The following AK9 variants were observed in gnomAD, a reference collection of about 807,000 sequenced individuals.
AK9 encodes the protein adenylate kinase 9.
A neutral mutation model predicts 239.6 loss-of-function variants in AK9; 191 were observed. That is an observed-to-expected ratio of 0.80 (90% CI 0.71 to 0.90). The LOEUF (loss-of-function observed/expected upper bound fraction) is 0.90, where lower values mean the gene tolerates loss of function less well. AK9 is among the 40% of genes least tolerant of loss of function. The probability of loss-of-function intolerance (pLI) is 0.00; values close to 1 mark genes in which losing one functional copy is unlikely to be tolerated. For missense variants in AK9, 1,995 were observed against 2,214.7 expected (o/e 0.90, Z 1.99); for synonymous variants, 689 against 721.0 (o/e 0.96, Z 0.71).
chr6:109,558,725 A>G (rs1003569936), intron 24 of AK9, among the ~76,000 whole-genome samples: 1 of 152,178 alleles, frequency 6.6e-6, no homozygotes, highest in Non-Finnish European at 1.5e-5. Context: ...GGATTTTCAA[A>G]TGAATGTTAG....
intron 12 of AK9, among the ~76,000 whole-genome samples, chr6:109,627,938 C>CCGG (rs1282294984): frequency 3.3e-5 from 5 of 152,308 alleles, no homozygotes; most frequent in African/African-American, 1.2e-4. Flanking sequence ...GCCACTGCAA[C>CCGG]CGGCCTGAAC....
chr6:109,602,179 T>C (rs1379058166), intron 17 of AK9, among the ~76,000 whole-genome samples: 1 of 152,250 alleles, frequency 6.6e-6, no homozygotes, highest in African/African-American at 2.4e-5. Context: ...CAGTGGTCTT[T>C]ACAATTTGGC....
intron 5 of AK9, among the ~76,000 whole-genome samples, chr6:109,665,182 C>A (rs550483955): frequency 6.6e-6 from 1 of 152,330 alleles, no homozygotes; most frequent in East Asian, 1.9e-4. Flanking sequence ...TCCAGAGAAG[C>A]AATCCTACCT....
rs182213078 is a variant in AK9 at position 109,560,194 on chromosome 6, A to C, written c.2751+3403T>G. 1.3e-3 allele frequency among the ~76,000 whole-genome samples: 200 copies of C among 152,342 alleles called. 1 individual carries two copies. Among genetic ancestry groups the C allele is most frequent in the African/African-American group, 4.7e-3 (196 of 41,572 alleles). On this transcript the variant is annotated intron_variant, in intron 24 of 40. Transcript: ENST00000424296. The stretch of plus-strand genomic sequence containing the variant: ...TCTTTGGCGTGCCATTATTCAGCCT[A>C]TCACAATAGAAAATCTTATCTCCTA...
chr6:109,600,725 G>A lies in AK9; in HGVS notation c.1842+9640C>T, dbSNP rs537209658. Among the ~76,000 whole-genome samples the A allele has an allele frequency of 2.1e-3, 315 of 152,186 alleles. 2 individuals are homozygous for A. The South Asian group carries it at 0.022, about 11-fold the overall frequency. On this transcript the variant is annotated intron_variant, in intron 17 of 40. Coordinates refer to ENST00000424296, the MANE Select transcript of AK9 (RefSeq NM_001145128.3). Reference sequence around the variant, plus strand: ...TCTGGTCCTGGACTTTTTTTAGTTGGTAAGCTATTAATTATTGCCTCAATT... The same window carrying A: ...TCTGGTCCTGGACTTTTTTTAGTTGATAAGCTATTAATTATTGCCTCAATT...
intron 17 of AK9, among the ~76,000 whole-genome samples, chr6:109,591,718 G>A (rs528271466): frequency 3.9e-4 from 59 of 152,212 alleles, no homozygotes; most frequent in African/African-American, 1.4e-3. Context: ...TTGAGCATTT[G>A]TTGTAGGTAC....
In AK9 at chr6:109,558,962, G is replaced by A. The variant is rs536057160; in HGVS notation, c.2751+4635C>T. On this transcript the variant is annotated intron_variant, in intron 24 of 40. Coordinates refer to ENST00000424296, the MANE Select transcript of AK9 (RefSeq NM_001145128.3). ...CACTGCCCAAGATCAAACGATTTTC[G>A]TGTCTCAGCATTGCCAGCAGCTGGG... Among the ~76,000 whole-genome samples the A allele has an allele frequency of 3.0e-4, 45 of 150,960 alleles. No individual in the cohort carries two copies. The South Asian group carries it at 9.2e-3, about 31-fold the overall frequency.
At chr6:109,545,798 G>T in intron 26 of AK9, 69 bp downstream of exon 26, 1 of 1,516,934 alleles carries the variant, frequency 6.6e-7, no homozygotes, top group Non-Finnish European at 8.8e-7. Flanking sequence ...TGGAGACCCT[G>T]TCTCAAAAAC....
chr6:109,555,916 G>C (rs1324985110), intron 24 of AK9, among the ~76,000 whole-genome samples: 1 of 152,052 alleles, frequency 6.6e-6, no homozygotes, highest in Non-Finnish European at 1.5e-5. Flanking sequence ...CATGTGAGAT[G>C]AGTCTCTTGA....
At chr6:109,572,926 G>C (rs1324831729) in intron 21 of AK9, among the ~76,000 whole-genome samples, 2 of 152,052 alleles carry the variant, frequency 1.3e-5, no homozygotes, top group African/African-American at 2.4e-5. Flanking sequence ...CACCAAATGA[G>C]ACCTCTGAGG....
Position 109,662,495 on chromosome 6 carries a change from T to C in AK9, c.444+56A>G, listed in dbSNP as rs539771505. The C allele has an allele frequency of 1.8e-5, 23 of 1,308,496 alleles. 1 individual carries two copies. In the Admixed American group the frequency reaches 5.6e-4, roughly 32 times the overall value. The allele number at this position is 1,308,496 out of a possible 1,614,324, so 81.1% of individuals were successfully genotyped here. ...AAATGTTTAAAGCATTCCTTGAATT[T>C]AACTACTATCAAAAAGAATGGTTTA... On this transcript the variant is annotated intron_variant, in intron 6 of 40. Transcript: ENST00000424296.
At chr6:109,633,401 C>G (rs1796353950) in intron 10 of AK9, 78 bp from the exon 11 acceptor site, 17 of 1,397,674 alleles carry the variant, frequency 1.2e-5, no homozygotes, top group Middle Eastern at 5.0e-4. Flanking sequence ...TTTCATTTAT[C>G]ATTTTATAGT....
At chr6:109,578,478 G>T (rs1356631660) in intron 20 of AK9, among the ~76,000 whole-genome samples, 1 of 151,926 alleles carries the variant, frequency 6.6e-6, no homozygotes, top group Non-Finnish European at 1.5e-5. Flanking sequence ...CCAGCTTTTT[G>T]TTTCATTTAT....
intron 25 of AK9, among the ~76,000 whole-genome samples, chr6:109,548,340 C>G (rs1461590287): frequency 1.3e-5 from 2 of 151,920 alleles, no homozygotes; most frequent in African/African-American, 4.8e-5. Context: ...TGAAAACAGC[C>G]CCTATCAGAG....
At chr6:109,525,148 C>T (rs181164614) in intron 29 of AK9, among the ~76,000 whole-genome samples, 89 of 152,218 alleles carry the variant, frequency 5.8e-4, no homozygotes, top group African/African-American at 2.0e-3. Context: ...TTGTTATTGT[C>T]GACCTTGTCG....
chr6:109,613,806 G>T (rs1793848546), intron 15 of AK9, among the ~76,000 whole-genome samples: 2 of 151,788 alleles, frequency 1.3e-5, no homozygotes, highest in South Asian at 4.2e-4. Flanking sequence ...AGGATAAATA[G>T]CACAATGGGT....
In AK9 at chr6:109,691,191, C is replaced by T; in HGVS notation, c.-56G>A. On this transcript the variant is annotated 5_prime_UTR_variant, in exon 1 of 41. Coordinates refer to ENST00000424296, the MANE Select transcript of AK9 (RefSeq NM_001145128.3). ...TTCCTCTCTCGGCAGCACGCAGGTC[C>T]CGGGAGCCTCTACCCGACCTCTCTA... The T allele has an allele frequency of 3.4e-6, 2 of 584,684 alleles. No individual in the cohort carries two copies. The highest frequency in any genetic ancestry group is 2.1e-5 in the South Asian group (1 of 48,030). 36.2% of individuals were successfully genotyped at this position (584,684 alleles called of 1,614,324 possible).
At chr6:109,673,056 C>T (rs970682955) in intron 3 of AK9, among the ~76,000 whole-genome samples, 1 of 152,090 alleles carries the variant, frequency 6.6e-6, no homozygotes, top group Non-Finnish European at 1.5e-5. Context: ...AGAGGACATC[C>T]TGGGATAGGA....
chr6:109,499,983 G>A (rs1777435078), intron 35 of AK9, among the ~76,000 whole-genome samples: 1 of 151,034 alleles, frequency 6.6e-6, no homozygotes, highest in African/African-American at 2.4e-5. Context: ...TTATCTATTG[G>A]TGAATGTTTT....
Sources: gnomAD v4.1 joint callset for allele counts (sites outside exome capture counted in the v4.1 genomes callset) on GRCh38, gnomAD v4.1.1 for gene constraint, MANE v1.5 for transcripts, NCBI Gene and HGNC (gene_info 2026-07-23, HGNC 2026-07-21) for gene names.